PRKAG2: variants seen among roughly 807,000 people sequenced by gnomAD.
PRKAG2 encodes protein kinase AMP-activated non-catalytic subunit gamma 2, also known as 5'-AMP-activated protein kinase subunit gamma-2.
PRKAG2 carries 26 observed loss-of-function variants against 69.6 expected under a neutral mutation model. The observed-to-expected ratio is 0.37, with a 90% confidence interval of 0.27 to 0.52. The LOEUF is 0.52. Among genes scored for constraint, PRKAG2 ranks in the 20% least tolerant of loss-of-function variants. The pLI, the probability that PRKAG2 is intolerant of heterozygous loss-of-function variation, is 0.90. For missense variants in PRKAG2, 557 were observed against 740.0 expected (o/e 0.75, Z 2.87); for synonymous variants, 293 against 285.0 (o/e 1.03, Z -0.28).
chr7:151,608,826 A>ATTT lies in PRKAG2; in HGVS notation c.755-13375_755-13373dup, dbSNP rs67353252. ...TATAAGATTAAAGGATTAGACATGG[A>ATTT]TTTTTTTTTTTGTAAGAGAAATAAT... On this transcript the variant is annotated intron_variant, in intron 5 of 15. Coordinates refer to ENST00000287878, the MANE Select transcript of PRKAG2 (RefSeq NM_016203.4). Among the ~76,000 whole-genome samples the ATTT allele has an allele frequency of 1.6e-3, 241 of 149,382 alleles. 1 individual carries two copies. The highest frequency in any genetic ancestry group is 5.7e-3 in the African/African-American group (234 of 40,726).
At chr7:151,723,273 A>G (rs1340306336) in intron 3 of PRKAG2, among the ~76,000 whole-genome samples, 2 of 152,162 alleles carry the variant, frequency 1.3e-5, no homozygotes, top group Non-Finnish European at 2.9e-5. Flanking sequence ...AGTGCAGTGG[A>G]GTCCTTCTTC....
rs779272143 is a variant in PRKAG2 at position 151,638,431 on chromosome 7, G to C, written c.685-6293C>G. Among the ~76,000 whole-genome samples, 2 of 152,086 alleles carry C rather than the reference G, an allele frequency of 1.3e-5. No individual in the cohort carries two copies. The highest frequency in any genetic ancestry group is 2.4e-5 in the African/African-American group (1 of 41,404). On this transcript the variant is annotated intron_variant, in intron 4 of 15. Coordinates refer to ENST00000287878, the MANE Select transcript of PRKAG2 (RefSeq NM_016203.4). The surrounding 1 kb of genome is among the most constrained non-coding windows in gnomAD (Gnocchi z 4.3). ...GGGCGGATCACAAGGTCAGGAGATC[G>C]AGACCATCCTGGCCAACATGGTGAA... is the stretch of plus-strand genomic sequence containing the variant.
At chr7:151,789,651 G>A (rs905408150) in intron 1 of PRKAG2, among the ~76,000 whole-genome samples, 3 of 152,244 alleles carry the variant, frequency 2.0e-5, no homozygotes, top group Non-Finnish European at 4.4e-5. Context: ...CAGATGTGCA[G>A]ATTCCAGACT....
At chr7:151,681,793 G>A (rs1043396502) in intron 3 of PRKAG2, among the ~76,000 whole-genome samples, 6 of 152,024 alleles carry the variant, frequency 3.9e-5, no homozygotes, top group Non-Finnish European at 1.5e-5. Context: ...ATCAAACTGG[G>A]GTATCACCGA....
chr7:151,595,455 C>A lies in PRKAG2; in HGVS notation c.755-1G>T, dbSNP rs778614872. Reference sequence around the variant, plus strand: ...ACACCACTTTCTGAGTCTTCTACTGCTAAAAGAAAAAAAGGCAAAACATCA... The same window carrying A: ...ACACCACTTTCTGAGTCTTCTACTGATAAAAGAAAAAAAGGCAAAACATCA... On this transcript the variant is annotated splice_acceptor_variant, in intron 5 of 15. Coordinates refer to ENST00000287878, the MANE Select transcript of PRKAG2 (RefSeq NM_016203.4). LOFTEE classifies it high-confidence loss of function. 1.2e-6 allele frequency: 2 copies of A among 1,610,432 alleles called. No individual in the cohort carries two copies. Among genetic ancestry groups the A allele is most frequent in the Non-Finnish European group, 1.7e-6 (2 of 1,177,076 alleles).
chr7:151,821,270 G>A (rs2078772685), intron 1 of PRKAG2, among the ~76,000 whole-genome samples: 1 of 152,242 alleles, frequency 6.6e-6, no homozygotes. Context: ...TAAGGCCCCA[G>A]AGCATCCTCC....
intron 1 of PRKAG2, among the ~76,000 whole-genome samples, chr7:151,865,008 T>A (rs1302882008): frequency 6.6e-6 from 1 of 152,150 alleles, no homozygotes; most frequent in East Asian, 1.9e-4. Context: ...ACTAATTATA[T>A]AATATATGAA....
At chr7:151,819,707 C>A (rs1339196639) in intron 1 of PRKAG2, among the ~76,000 whole-genome samples, 2 of 151,926 alleles carry the variant, frequency 1.3e-5, no homozygotes, top group South Asian at 2.1e-4. Context: ...GTTCTGACCA[C>A]CTGAAGGTCT....
chr7:151,762,988 C>T (rs1417139083), intron 3 of PRKAG2, among the ~76,000 whole-genome samples: 4 of 152,206 alleles, frequency 2.6e-5, no homozygotes, highest in African/African-American at 9.7e-5. Context: ...CAAAAGCCAG[C>T]ACTAGAGATG....
chr7:151,715,017 A>ATT (rs111586277), intron 3 of PRKAG2, among the ~76,000 whole-genome samples: 4 of 142,822 alleles, frequency 2.8e-5, no homozygotes, highest in Non-Finnish European at 3.0e-5. Context: ...ATTAAAAGCA[A>ATT]TTTTTTTTTT....
At chr7:151,578,299 C>T (rs1455584473) in intron 6 of PRKAG2, among the ~76,000 whole-genome samples, 2 of 152,194 alleles carry the variant, frequency 1.3e-5, no homozygotes, top group Non-Finnish European at 2.9e-5. Flanking sequence ...GAGCCGAGAA[C>T]ACGCCACTGT....
At chr7:151,868,896 T>C (rs971521789) in intron 1 of PRKAG2, among the ~76,000 whole-genome samples, 1 of 152,238 alleles carries the variant, frequency 6.6e-6, no homozygotes, top group Non-Finnish European at 1.5e-5. Context: ...TAAGAGCACA[T>C]GTATTTGCCT....
In PRKAG2 at chr7:151,761,674, C is replaced by T. The variant is rs117455794; in HGVS notation, c.466+19478G>A. Among the ~76,000 whole-genome samples, 1,431 of 152,298 alleles carry T rather than the reference C, an allele frequency of 9.4e-3. 8 individuals carry two copies. The highest frequency in any genetic ancestry group is 0.015 in the Non-Finnish European group (1,016 of 68,028). ...AGATAACTGTCCTGCATGGCATGAC[C>T]GGACTCATGTCAGTTAACTCTTTCT... On this transcript the variant is annotated intron_variant, in intron 3 of 15. Coordinates refer to ENST00000287878, the MANE Select transcript of PRKAG2 (RefSeq NM_016203.4).
chr7:151,740,193 C>T (rs1214072943), intron 3 of PRKAG2, among the ~76,000 whole-genome samples: 1 of 152,228 alleles, frequency 6.6e-6, no homozygotes, highest in Admixed American at 6.5e-5. Flanking sequence ...TCCCGGGCTG[C>T]TGGTTAGCTG....
At chr7:151,589,936 A>G (rs1168105371) in intron 6 of PRKAG2, among the ~76,000 whole-genome samples, 1 of 152,050 alleles carries the variant, frequency 6.6e-6, no homozygotes, top group Admixed American at 6.6e-5. Context: ...CCCTGTCTTT[A>G]AAAAAAAGAA....
intron 1 of PRKAG2, among the ~76,000 whole-genome samples, chr7:151,823,667 A>G (rs1047646476): frequency 1.3e-5 from 2 of 152,058 alleles, no homozygotes; most frequent in Non-Finnish European, 2.9e-5. Context: ...GGAAGAGATG[A>G]CACCCTCCAT....
intron 4 of PRKAG2, among the ~76,000 whole-genome samples, chr7:151,653,202 C>A (rs1308722991): frequency 2.0e-5 from 3 of 151,054 alleles, no homozygotes; most frequent in Admixed American, 6.6e-5. Context: ...TTTATCTCAA[C>A]CACATCATTA....
intron 5 of PRKAG2, among the ~76,000 whole-genome samples, chr7:151,603,674 C>T (rs1816789334): frequency 6.6e-6 from 1 of 152,118 alleles, no homozygotes; most frequent in African/African-American, 2.4e-5. Flanking sequence ...CACATGCCTT[C>T]TCATCCCATC....
chr7:151,676,613 C>G (rs78565105), intron 3 of PRKAG2, among the ~76,000 whole-genome samples: 1 of 152,050 alleles, frequency 6.6e-6, no homozygotes, highest in African/African-American at 2.4e-5. Flanking sequence ...TTTTAAGTGG[C>G]GAGTGTACAC....
Sources: allele counts gnomAD v4.1 joint callset (sites outside exome capture counted in the v4.1 genomes callset), GRCh38; gene constraint gnomAD v4.1.1; non-coding constraint Gnocchi (gnomAD v3.1); transcripts MANE v1.5; gene names NCBI Gene and HGNC (gene_info 2026-07-23, HGNC 2026-07-21).